The following MCEMP1 variants were observed in gnomAD, a reference collection of about 807,000 sequenced individuals.
MCEMP1 encodes the protein mast cell-expressed membrane protein 1.
MCEMP1 carries 17 observed loss-of-function variants against 27.9 expected under a neutral mutation model. That is an observed-to-expected ratio of 0.61 (90% confidence interval 0.42 to 0.91). The LOEUF is 0.91. MCEMP1 is among the 40% of genes least tolerant of loss of function. The probability of loss-of-function intolerance (pLI) is 0.00; values close to 1 mark genes in which losing one functional copy is unlikely to be tolerated. For missense variants in MCEMP1, 200 were observed against 204.8 expected, an observed-to-expected ratio of 0.98 and a Z score of 0.14; for synonymous variants, 88 against 76.9, an observed-to-expected ratio of 1.14 and a Z score of -0.76.
In MCEMP1 at chr19:7,677,228, C is replaced by CG; in HGVS notation, c.55+58dup. ...GGTTAAGAAGGAGAGATTGGGGGGC[C>CG]GGGGGCTTTTGCTCATGTCTGTAAT... On this transcript the variant is annotated intron_variant, in intron 1 of 6. Transcript: ENST00000333598. This position sits in a 1 kb window ranked among gnomAD's most constrained non-coding sequence, Gnocchi z 4.6. The CG allele has an allele frequency of 3.4e-6, 5 of 1,484,656 alleles. No homozygotes were observed. The highest frequency in any genetic ancestry group is 4.6e-6 in the Non-Finnish European group (5 of 1,087,324). 92.0% of individuals were successfully genotyped at this position (1,484,656 alleles called of 1,614,324 possible).
In MCEMP1 at chr19:7,678,027, T is replaced by C. The variant is rs1254160156; in HGVS notation, c.146-77T>C. On this transcript the variant is annotated intron_variant, in intron 2 of 6. Transcript: ENST00000333598. This position sits in a 1 kb window ranked among gnomAD's most constrained non-coding sequence, Gnocchi z 4.8. ...GGTTTTGAGAGGAGCGAGGTGTCCA[T>C]GGTGTTAGAGACAGTGAGGATGGTT... 12 of 1,510,642 alleles carry C rather than the reference T, an allele frequency of 7.9e-6. No homozygotes were observed. Among genetic ancestry groups the C allele is most frequent in the African/African-American group, 2.8e-5 (2 of 71,490 alleles). 93.6% of individuals were successfully genotyped at this position (1,510,642 alleles called of 1,614,324 possible). A position where few individuals can be genotyped will look rare whatever the true frequency, so the allele number is the denominator to read the frequency against.
chr19:7,677,584 C>T lies in MCEMP1; in HGVS notation c.56-53C>T, dbSNP rs553522875. The T allele has an allele frequency of 1.3e-5, 19 of 1,506,308 alleles. No individual in the cohort carries two copies. The highest frequency in any genetic ancestry group is 4.5e-5 in the South Asian group (4 of 88,752). The allele number at this position is 1,506,308 out of a possible 1,614,324, so 93.3% of individuals were successfully genotyped here. A position where few individuals can be genotyped will look rare whatever the true frequency, so the allele number is the denominator to read the frequency against. On this transcript the variant is annotated intron_variant, in intron 1 of 6. Coordinates refer to ENST00000333598, the MANE Select transcript of MCEMP1 (RefSeq NM_174918.3). The surrounding 1 kb of genome is among the most constrained non-coding windows in gnomAD (Gnocchi z 4.6). Reference sequence around the variant, plus strand: ...CAAAGGGTTGGGTAAAACAAGATCCCGGATCCACTCTCCACACCACAGAGC... The same window carrying T: ...CAAAGGGTTGGGTAAAACAAGATCCTGGATCCACTCTCCACACCACAGAGC...
At position 7,678,869 on chromosome 19, in the gene MCEMP1, A is replaced by G. The variant is rs898306224; in HGVS notation, c.449-55A>G. The G allele has an allele frequency of 7.4e-6, 11 of 1,483,518 alleles. No individual in the cohort carries two copies. In the African/African-American group the frequency reaches 9.8e-5, roughly 13 times the overall value. The allele number at this position is 1,483,518 out of a possible 1,614,324, so 91.9% of individuals were successfully genotyped here. ...CCAAGGAAGGTGGGGGCTTTGTTTGAGGCTCCACCGCAGCTTGACTTATCT... is the reference window on the plus strand; with the variant it reads ...CCAAGGAAGGTGGGGGCTTTGTTTGGGGCTCCACCGCAGCTTGACTTATCT... On this transcript the variant is annotated intron_variant, in intron 5 of 6. Transcript: ENST00000333598. This position sits in a 1 kb window ranked among gnomAD's most constrained non-coding sequence, Gnocchi z 4.8.
chr19:7,677,916 T>C lies in MCEMP1; in HGVS notation c.146-188T>C, dbSNP rs10401670. 600,122 of 1,063,002 alleles carry C rather than the reference T, an allele frequency of 0.56. 173,944 individuals carry two copies. Among genetic ancestry groups the C allele is most frequent in the South Asian group, 0.75 (48,926 of 65,168 alleles). The allele number at this position is 1,063,002 out of a possible 1,614,324, so 65.8% of individuals were successfully genotyped here. A position where few individuals can be genotyped will look rare whatever the true frequency, so the allele number is the denominator to read the frequency against. ...GGAATGCTGGAGAGGGGGTCTGTGA[T>C]GGTGACGGTGTTAGATCGCTGAGGG... On this transcript the variant is annotated intron_variant, in intron 2 of 6. Coordinates refer to ENST00000333598, the MANE Select transcript of MCEMP1 (RefSeq NM_174918.3). This position sits in a 1 kb window ranked among gnomAD's most constrained non-coding sequence, Gnocchi z 4.6.
At position 7,677,789 on chromosome 19, in the gene MCEMP1, T is replaced by C. The variant is rs532570203; in HGVS notation, c.145+63T>C. ...GGGAAGGGGCAGGTGGGCGGGCAACTGCAGGGCCCCCGGGGCTGCGTGGAA... is the reference window on the plus strand; with the variant it reads ...GGGAAGGGGCAGGTGGGCGGGCAACCGCAGGGCCCCCGGGGCTGCGTGGAA... On this transcript the variant is annotated intron_variant, in intron 2 of 6. Transcript: ENST00000333598. This position sits in a 1 kb window ranked among gnomAD's most constrained non-coding sequence, Gnocchi z 4.6. 2.1e-5 allele frequency: 31 copies of C among 1,444,462 alleles called. No individual in the cohort carries two copies. Among genetic ancestry groups the C allele is most frequent in the Non-Finnish European group, 2.9e-5 (31 of 1,065,628 alleles). 89.5% of individuals were successfully genotyped at this position (1,444,462 alleles called of 1,614,324 possible). A position where few individuals can be genotyped will look rare whatever the true frequency, so the allele number is the denominator to read the frequency against.
Position 7,678,711 on chromosome 19 carries a change from C to A in MCEMP1, c.448+107C>A. 2 of 1,241,004 alleles carry A rather than the reference C, an allele frequency of 1.6e-6. No individual in the cohort carries two copies. Among genetic ancestry groups the A allele is most frequent in the Non-Finnish European group, 1.2e-6 (1 of 867,528 alleles). The allele number at this position is 1,241,004 out of a possible 1,614,324, so 76.9% of individuals were successfully genotyped here. A position where few individuals can be genotyped will look rare whatever the true frequency, so the allele number is the denominator to read the frequency against. On this transcript the variant is annotated intron_variant, in intron 5 of 6. Coordinates refer to ENST00000333598, the MANE Select transcript of MCEMP1 (RefSeq NM_174918.3). This position sits in a 1 kb window ranked among gnomAD's most constrained non-coding sequence, Gnocchi z 4.8. ...GGAGAAAGCCGGGGTCCTACCCTCC[C>A]AAAGCTCAAGTTGTGGAGGGGCGAT... is the stretch of plus-strand genomic sequence containing the variant.
rs748310557 is a variant in MCEMP1 at position 7,678,274 on chromosome 19, GC to G, written c.283+35del. On this transcript the variant is annotated intron_variant, in intron 3 of 6. Transcript: ENST00000333598. This position sits in a 1 kb window ranked among gnomAD's most constrained non-coding sequence, Gnocchi z 4.8. Reference sequence around the variant, plus strand: ...CTTCTTGGGAGGAGGGTGCTGGGGGGCCTAGACTTTCTCCCTTGTCCTTCTC... The same window carrying G: ...CTTCTTGGGAGGAGGGTGCTGGGGGGCTAGACTTTCTCCCTTGTCCTTCTC... 4.3e-6 allele frequency: 7 copies of G among 1,613,946 alleles called. No individual in the cohort carries two copies. Among genetic ancestry groups the G allele is most frequent in the Non-Finnish European group, 5.1e-6 (6 of 1,179,942 alleles).
At position 7,678,919 on chromosome 19, in the gene MCEMP1, C is replaced by A. The variant is rs1243451217; in HGVS notation, c.449-5C>A. ...TGTTCCCACCCAACCCTCCCCGCCC[C>A]CTAGGCATAAAAAACATTGACACAA... On this transcript the variant is annotated splice_polypyrimidine_tract_variant and splice_region_variant and intron_variant, in intron 5 of 6. Transcript: ENST00000333598. This position sits in a 1 kb window ranked among gnomAD's most constrained non-coding sequence, Gnocchi z 4.8. 2 of 1,557,702 alleles carry A rather than the reference C, an allele frequency of 1.3e-6. No individual in the cohort carries two copies. Among genetic ancestry groups the A allele is most frequent in the Non-Finnish European group, 1.7e-6 (2 of 1,144,364 alleles).
At position 7,677,094 on chromosome 19, in the gene MCEMP1, G is replaced by A; in HGVS notation, c.-27G>A. ...CGGGCTGGGGACCATGGAAGTGGAG[G>A]AAATCTACAAGCACCAGGAAGTCAA... On this transcript the variant is annotated 5_prime_UTR_variant, in exon 1 of 7. Coordinates refer to ENST00000333598, the MANE Select transcript of MCEMP1 (RefSeq NM_174918.3). The surrounding 1 kb of genome is among the most constrained non-coding windows in gnomAD (Gnocchi z 4.6). 12 of 1,597,590 alleles carry A rather than the reference G, an allele frequency of 7.5e-6. No homozygotes were observed. The highest frequency in any genetic ancestry group is 1.0e-5 in the Non-Finnish European group (12 of 1,171,666).
In MCEMP1 at chr19:7,678,082, C is replaced by G. The variant is rs753259891; in HGVS notation, c.146-22C>G. Reference sequence around the variant, plus strand: ...TGGTGGTGCTGGCCCCTCAAGGTCACTTTGCTGCCTCTTTGCTCCAGTCCC... The same window carrying G: ...TGGTGGTGCTGGCCCCTCAAGGTCAGTTTGCTGCCTCTTTGCTCCAGTCCC... On this transcript the variant is annotated intron_variant, in intron 2 of 6. Transcript: ENST00000333598. The surrounding 1 kb of genome is among the most constrained non-coding windows in gnomAD (Gnocchi z 4.8). 1 of 1,572,990 alleles carries G rather than the reference C, an allele frequency of 6.4e-7. No individual in the cohort carries two copies. Among genetic ancestry groups the G allele is most frequent in the Non-Finnish European group, 8.6e-7 (1 of 1,162,510 alleles).
Position 7,677,220 on chromosome 19 carries a change from TG to T in MCEMP1, c.55+51del. The T allele has an allele frequency of 2.1e-6, 3 of 1,409,476 alleles. No individual in the cohort carries two copies. Among genetic ancestry groups the T allele is most frequent in the Non-Finnish European group, 2.9e-6 (3 of 1,019,208 alleles). The allele number at this position is 1,409,476 out of a possible 1,614,324, so 87.3% of individuals were successfully genotyped here. On this transcript the variant is annotated intron_variant, in intron 1 of 6. Transcript: ENST00000333598. The surrounding 1 kb of genome is among the most constrained non-coding windows in gnomAD (Gnocchi z 4.6). The stretch of plus-strand genomic sequence containing the variant: ...AAGGGAGGGGTTAAGAAGGAGAGAT[TG>T]GGGGGCCGGGGGCTTTTGCTCATGT...
rs768803114 is a variant in MCEMP1, at chr19:7,678,093, CTT to C, written c.146-9_146-8del. 2 of 1,583,586 alleles carry C rather than the reference CTT, an allele frequency of 1.3e-6. No homozygotes were observed. Among genetic ancestry groups the C allele is most frequent in the Admixed American group, 3.7e-5 (2 of 54,594 alleles). ...GCCCCTCAAGGTCACTTTGCTGCCT[CTT>C]TGCTCCAGTCCCAGCCCAGTGCAGG... On this transcript the variant is annotated splice_polypyrimidine_tract_variant and intron_variant, in intron 2 of 6. Transcript: ENST00000333598. This position sits in a 1 kb window ranked among gnomAD's most constrained non-coding sequence, Gnocchi z 4.8.
rs1196624510 is a variant in MCEMP1 at position 7,677,900 on chromosome 19, G to A, written c.145+174G>A. 3.1e-5 allele frequency: 32 copies of A among 1,034,712 alleles called. No individual in the cohort carries two copies. Among genetic ancestry groups the A allele is most frequent in the Non-Finnish European group, 4.4e-5 (31 of 698,744 alleles). The allele number at this position is 1,034,712 out of a possible 1,614,324, so 64.1% of individuals were successfully genotyped here. On this transcript the variant is annotated intron_variant, in intron 2 of 6. Transcript: ENST00000333598. This position sits in a 1 kb window ranked among gnomAD's most constrained non-coding sequence, Gnocchi z 4.6. ...ATGATGACAATGTTGGGGAATGCTG[G>A]AGAGGGGGTCTGTGATGGTGACGGT...
chr19:7,677,708 T>G lies in MCEMP1; in HGVS notation c.127T>G (p.Ser43Ala), dbSNP rs146421608. 1.5e-4 allele frequency: 244 copies of G among 1,609,874 alleles called. 1 individual carries two copies. In the African/African-American group the frequency reaches 3.1e-3, roughly 20 times the overall value. ...KNQDHAKGGH[S>A]RPTSQVPAQC... ...TCAGGACCATGCAAAGGGTGGTCAT[T>G]CACGACCCACGAGCCAAGGTGAGCA... is the stretch of plus-strand genomic sequence containing the variant. Residue 43 changes from serine (S) to alanine (A), a missense_variant, in exon 2 of 7, where the codon TCA becomes GCA. Ser to Ala is a moderately conservative substitution (Grantham distance 99, BLOSUM62 1). Transcript: ENST00000333598. This position sits in a 1 kb window ranked among gnomAD's most constrained non-coding sequence, Gnocchi z 4.6.
Position 7,679,315 on chromosome 19 carries a change from T to C in MCEMP1, c.*201T>C. On this transcript the variant is annotated 3_prime_UTR_variant, in exon 7 of 7. Coordinates refer to ENST00000333598, the MANE Select transcript of MCEMP1 (RefSeq NM_174918.3). The surrounding 1 kb of genome is among the most constrained non-coding windows in gnomAD (Gnocchi z 4.9). ...ACACCTGCGTGCGTGTGTGTGCGTG[T>C]GTGCGCGTGTGTTCGTGTATGTGCG... 1 of 647,504 alleles carries C rather than the reference T, an allele frequency of 1.5e-6. No individual in the cohort carries two copies. The allele number at this position is 647,504 out of a possible 1,614,324, so 40.1% of individuals were successfully genotyped here. A position where few individuals can be genotyped will look rare whatever the true frequency, so the allele number is the denominator to read the frequency against.
chr19:7,678,754 T>C lies in MCEMP1; in HGVS notation c.448+150T>C. ...GGGGCGATGGGTGTTACCATCTGGG[T>C]TGCTCTGTGGGTATTGAAAGGCTCC... On this transcript the variant is annotated intron_variant, in intron 5 of 6. Transcript: ENST00000333598. This position sits in a 1 kb window ranked among gnomAD's most constrained non-coding sequence, Gnocchi z 4.8. 1.8e-6 allele frequency: 2 copies of C among 1,083,378 alleles called. No homozygotes were observed. The highest frequency in any genetic ancestry group is 2.6e-5 in the East Asian group (1 of 38,640). The allele number at this position is 1,083,378 out of a possible 1,614,324, so 67.1% of individuals were successfully genotyped here.
At position 7,679,070 on chromosome 19, in the gene MCEMP1, C is replaced by G; in HGVS notation, c.509-28C>G. On this transcript the variant is annotated intron_variant, in intron 6 of 6. Transcript: ENST00000333598. The surrounding 1 kb of genome is among the most constrained non-coding windows in gnomAD (Gnocchi z 4.9). ...CTCCTCTCCCAGGGGCGGGATCTGC[C>G]TCACTGTGGGTCTCTCCCCATCCCC... The G allele has an allele frequency of 6.2e-7, 1 of 1,608,150 alleles. No homozygotes were observed. Among genetic ancestry groups the G allele is most frequent in the Non-Finnish European group, 8.5e-7 (1 of 1,177,064 alleles).
chr19:7,677,516 G>T lies in MCEMP1; in HGVS notation c.56-121G>T, dbSNP rs568266981. ...CCACTTAACCAAAAAGCAGATTTTA[G>T]CTTCTCACTCCTTATCTTTCACCCC... On this transcript the variant is annotated intron_variant, in intron 1 of 6. Transcript: ENST00000333598. This position sits in a 1 kb window ranked among gnomAD's most constrained non-coding sequence, Gnocchi z 4.6. 2.1e-5 allele frequency: 21 copies of T among 1,020,616 alleles called. No homozygotes were observed. In the African/African-American group the frequency reaches 2.7e-4, roughly 13 times the overall value. The allele number at this position is 1,020,616 out of a possible 1,614,324, so 63.2% of individuals were successfully genotyped here. A position where few individuals can be genotyped will look rare whatever the true frequency, so the allele number is the denominator to read the frequency against.
chr19:7,678,196 G>T lies in MCEMP1; in HGVS notation c.238G>T (p.Ala80Ser). 6.2e-7 allele frequency: 1 copy of T among 1,614,092 alleles called. No homozygotes were observed. The highest frequency in any genetic ancestry group is 8.5e-7 in the Non-Finnish European group (1 of 1,179,996). Residue 80 changes from alanine (A) to serine (S), a missense_variant, in exon 3 of 7, where the codon GCC (alanine) becomes TCC (serine). Physicochemically the swap from Ala to Ser is moderately conservative, Grantham distance 99. Coordinates refer to ENST00000333598, the MANE Select transcript of MCEMP1 (RefSeq NM_174918.3). This position sits in a 1 kb window ranked among gnomAD's most constrained non-coding sequence, Gnocchi z 4.8. Reference protein sequence around the residue: ...ILSLYILLALAFVLCIILSAF... With the variant: ...ILSLYILLALSFVLCIILSAF... ...GAGCCTGTACATCCTCCTGGCCCTG[G>T]CCTTTGTCCTCTGCATCATCCTGTC... is the stretch of plus-strand genomic sequence containing the variant.
Sources: gnomAD v4.1 joint callset for allele counts on GRCh38, gnomAD v4.1.1 for gene constraint, Gnocchi (gnomAD v3.1) non-coding constraint, MANE v1.5 for transcripts, NCBI Gene and HGNC (gene_info 2026-07-23, HGNC 2026-07-21) for gene names.